Variants in TECTB observed in about 807,000 individuals in gnomAD.
TECTB encodes the protein tectorin beta.
A neutral mutation model predicts 43.3 loss-of-function variants in TECTB; 45 were observed. The observed-to-expected ratio is 1.04, with a 90% CI of 0.82 to 1.33. TECTB has a LOEUF of 1.33. TECTB is among the 40% of genes most tolerant of loss of function. TECTB has a pLI of 0.00. For synonymous variants in TECTB, 169 were observed against 156.7 expected (o/e 1.08, Z -0.59); for missense variants, 399 against 404.7 (o/e 0.99, Z 0.12).
rs1249167601 is a variant in TECTB at position 112,304,908 on chromosome 10, C to T, written c.*1596C>T. ...AAACTCTTAAATAGCATACTCATAG[C>T]CATGTTCAAATCCTTTGCTGTCAGA... On this transcript the variant is annotated 3_prime_UTR_variant, in exon 11 of 11. Coordinates refer to ENST00000646139, the MANE Select transcript of TECTB (RefSeq NM_058222.3). 1 of 152,120 alleles carries T rather than the reference C, an allele frequency of 6.6e-6. No individual in the cohort carries two copies. The highest frequency in any genetic ancestry group is 1.5e-5 in the Non-Finnish European group (1 of 68,030). The allele number at this position is 152,120 out of a possible 1,614,324, so 9.4% of individuals were successfully genotyped here.
chr10:112,300,275 AAAGAAAAGAAAG>A (rs1224928267), intron 9 of TECTB, among the ~76,000 whole-genome samples: 618 of 30,236 alleles, frequency 0.02, 2 homozygotes, highest in Non-Finnish European at 0.025. Context: ...AGAAAGAAAG[AAAGAAAAGAAAG>A]AAAGAAAGAA....
At chr10:112,288,433 G>A (rs1848472523) in intron 5 of TECTB, among the ~76,000 whole-genome samples, 1 of 152,114 alleles carries the variant, frequency 6.6e-6, no homozygotes, top group Admixed American at 6.5e-5. Flanking sequence ...CCTTCAACAA[G>A]TATAGAATTA....
At chr10:112,303,004 A>C (rs1848625498) in intron 10 of TECTB, 1 of 476,194 alleles carries the variant, frequency 2.1e-6, no homozygotes, top group Non-Finnish European at 3.8e-6. Flanking sequence ...CATCGTTTTT[A>C]AGTTCTACAC....
At chr10:112,296,191 T>G (rs548340647) in intron 7 of TECTB, among the ~76,000 whole-genome samples, 11 of 151,680 alleles carry the variant, frequency 7.3e-5, no homozygotes, top group Admixed American at 3.9e-4. Context: ...TTTGCAAAAG[T>G]TCCTGGAGAG....
Position 112,284,630 on chromosome 10 carries a change from CTG to C in TECTB, c.176_177del (p.Cys59LeufsTer20). ...AGTTCATCAGCTGGCCCTCGGAGGG[CTG>C]TGTTACAATGGGGTCCACGAAGGAG... Reference protein sequence around the residue: ...WEVHQLALGGLCYNGVHEGGY... With the variant: ...WEVHQLALGGXCYNGVHEGGY... On this transcript the variant is annotated frameshift_variant, in exon 3 of 11. Transcript: ENST00000646139. LOFTEE classifies it high-confidence loss of function. The C allele has an allele frequency of 6.2e-7, 1 of 1,613,816 alleles. No individual in the cohort carries two copies. Among genetic ancestry groups the C allele is most frequent in the Non-Finnish European group, 8.5e-7 (1 of 1,179,854 alleles).
intron 5 of TECTB, among the ~76,000 whole-genome samples, chr10:112,287,540 G>A (rs1848464823): frequency 6.6e-6 from 1 of 152,210 alleles, no homozygotes; most frequent in Non-Finnish European, 1.5e-5. Context: ...GAGAAACATC[G>A]TACTACCTCT....
At chr10:112,287,186 T>A (rs2133348281) in intron 5 of TECTB, among the ~76,000 whole-genome samples, 1 of 152,344 alleles carries the variant, frequency 6.6e-6, no homozygotes, top group Admixed American at 6.5e-5. Flanking sequence ...CTCCACTGCC[T>A]AATTCTTTGG....
At position 112,288,344 on chromosome 10, in the gene TECTB, A is replaced by AT. The variant is rs201411706; in HGVS notation, c.483+1953_483+1954insT. 8.0e-3 allele frequency among the ~76,000 whole-genome samples: 1,220 copies of AT among 152,144 alleles called. 17 individuals are homozygous for AT. The highest frequency in any genetic ancestry group is 0.027 in the African/African-American group (1,135 of 41,490). On this transcript the variant is annotated intron_variant, in intron 5 of 10. Transcript: ENST00000646139. ...GGAATGAGCTTATTTTCTTAAAAAA[A>AT]AATAATAATAATAAGAGACATGTCC...
intron 7 of TECTB, among the ~76,000 whole-genome samples, chr10:112,296,010 G>A (rs1301160231): frequency 6.6e-6 from 1 of 152,214 alleles, no homozygotes; most frequent in African/African-American, 2.4e-5. Context: ...ACAGCCAGAT[G>A]TAAGACATCC....
At chr10:112,283,958 A>C in intron 2 of TECTB, 148 bp downstream of exon 2, 1 of 803,372 alleles carries the variant, frequency 1.2e-6, no homozygotes, top group Non-Finnish European at 1.9e-6. Context: ...TCCAATACCA[A>C]TCAGACTTTT....
chr10:112,292,319 T>C (rs1589638325), intron 5 of TECTB, among the ~76,000 whole-genome samples: 1 of 152,122 alleles, frequency 6.6e-6, no homozygotes, highest in South Asian at 2.1e-4. Flanking sequence ...GGCAGGGAAA[T>C]ATCCCACATG....
chr10:112,298,203 G>GGGA lies in TECTB; in HGVS notation c.806_807insGGA (p.Cys269delinsTrpAsp). ...TGGTTACACTGTGAGACGTTCATCTGCGACAGTGAGAAACTCTCCTGCCCA... is the reference window on the plus strand; with the variant it reads ...TGGTTACACTGTGAGACGTTCATCTGGGACGACAGTGAGAAACTCTCCTGCCCA... On this transcript the variant is annotated protein_altering_variant, in exon 8 of 11. Coordinates refer to ENST00000646139, the MANE Select transcript of TECTB (RefSeq NM_058222.3). The GGGA allele has an allele frequency of 6.2e-7, 1 of 1,614,130 alleles. No individual in the cohort carries two copies. Among genetic ancestry groups the GGGA allele is most frequent in the Non-Finnish European group, 8.5e-7 (1 of 1,180,000 alleles).
At position 112,297,199 on chromosome 10, in the gene TECTB, G is replaced by A. The variant is rs570102253; in HGVS notation, c.672-870G>A. 3.9e-5 allele frequency among the ~76,000 whole-genome samples: 6 copies of A among 152,270 alleles called. No individual in the cohort carries two copies. In the East Asian group the frequency reaches 5.8e-4, roughly 15 times the overall value. On this transcript the variant is annotated intron_variant, in intron 7 of 10. Coordinates refer to ENST00000646139, the MANE Select transcript of TECTB (RefSeq NM_058222.3). ...GGGGCTGTGCTGTGCACTGTAGGAC[G>A]TTCAGCAGCAGCCCTGGTCTCCGCC...
Position 112,303,341 on chromosome 10 carries a change from A to G in TECTB, c.*29A>G, listed in dbSNP as rs769363230. On this transcript the variant is annotated 3_prime_UTR_variant, in exon 11 of 11. Transcript: ENST00000646139. ...TTAGCCAGGCAGCTGCCGCTCCTCC[A>G]CCCACAATAGTCCTCAGCGAATGAC... 4.2e-5 allele frequency: 68 copies of G among 1,613,578 alleles called. No individual in the cohort carries two copies. The East Asian group carries it at 7.1e-4, about 17-fold the overall frequency.
At chr10:112,296,526 T>A (rs1848548046) in intron 7 of TECTB, among the ~76,000 whole-genome samples, 1 of 152,150 alleles carries the variant, frequency 6.6e-6, no homozygotes, top group Non-Finnish European at 1.5e-5. Flanking sequence ...TTTTAAGAAC[T>A]CCCATCTTGA....
chr10:112,283,831 T>C (rs993313707), intron 2 of TECTB, 21 bp downstream of exon 2: 1 of 1,611,018 alleles, frequency 6.2e-7, no homozygotes, highest in Non-Finnish European at 8.5e-7. Context: ...GCCAAGTCCA[T>C]TTTCCTGGGA....
chr10:112,288,137 T>C (rs1848470082), intron 5 of TECTB, among the ~76,000 whole-genome samples: 1 of 152,176 alleles, frequency 6.6e-6, no homozygotes, highest in Admixed American at 6.5e-5. Flanking sequence ...GCCTTTGCTA[T>C]TGAATCCCTG....
chr10:112,300,206 G>T (rs527881503), intron 9 of TECTB, among the ~76,000 whole-genome samples: 53 of 108,786 alleles, frequency 4.9e-4, no homozygotes, highest in African/African-American at 1.8e-3. Flanking sequence ...AAGAAAGAGA[G>T]ACAGACAGAC....
At chr10:112,296,516 T>A (rs1328782968) in intron 7 of TECTB, among the ~76,000 whole-genome samples, 1 of 152,186 alleles carries the variant, frequency 6.6e-6, no homozygotes, top group Non-Finnish European at 1.5e-5. Context: ...CAAAGAGCTA[T>A]TTTAAGAACT....
Sources: gnomAD v4.1 joint callset for allele counts (sites outside exome capture counted in the v4.1 genomes callset) on GRCh38, gnomAD v4.1.1 for gene constraint, MANE v1.5 for transcripts, NCBI Gene and HGNC (gene_info 2026-07-23, HGNC 2026-07-21) for gene names.